The following TNFRSF9 variants were observed in gnomAD, a reference collection of about 807,000 sequenced individuals.
TNFRSF9 encodes TNF receptor superfamily member 9, also known as tumor necrosis factor receptor superfamily member 9.
Under a neutral mutation model 28.8 loss-of-function variants are expected in TNFRSF9, and 16 were observed. The ratio of observed to expected loss-of-function variants is 0.55; its 90% CI spans 0.38 to 0.84. The LOEUF (loss-of-function observed/expected upper bound fraction) is 0.84. Among genes scored for constraint, TNFRSF9 ranks in the 40% least tolerant of loss-of-function variants. The pLI is 0.00. For synonymous variants in TNFRSF9, 131 were observed against 117.0 expected (o/e 1.12, Z -0.77); for missense variants, 303 against 315.0 (o/e 0.96, Z 0.29).
intron 5 of TNFRSF9, among the ~76,000 whole-genome samples, chr1:7,935,948 T>G (rs1236960757): frequency 1.3e-5 from 2 of 152,188 alleles, no homozygotes; most frequent in Admixed American, 1.3e-4. Context: ...GAGTAAATGG[T>G]AGCTATCATT....
intron 7 of TNFRSF9, among the ~76,000 whole-genome samples, chr1:7,929,932 G>A (rs1000631448): frequency 5.4e-5 from 8 of 148,528 alleles, no homozygotes; most frequent in South Asian, 2.1e-4. Context: ...CTATAATTAC[G>A]TCAAAATTGA....
At position 7,918,724 on chromosome 1, in the gene TNFRSF9, A is replaced by G. The variant is rs1318025317; in HGVS notation, c.*2111T>C. The G allele has an allele frequency of 6.6e-6, 1 of 152,200 alleles. No individual in the cohort carries two copies. The highest frequency in any genetic ancestry group is 1.5e-5 in the Non-Finnish European group (1 of 68,048). The allele number at this position is 152,200 out of a possible 1,614,324, so 9.4% of individuals were successfully genotyped here. On this transcript the variant is annotated 3_prime_UTR_variant, in exon 8 of 8. Transcript: ENST00000377507. ...GAGCAAGCATTTTATTTAAAAAAATAAACACAAATGGTATATAAATATTTG... is the reference window on the plus strand; with the variant it reads ...GAGCAAGCATTTTATTTAAAAAAATGAACACAAATGGTATATAAATATTTG...
At chr1:7,934,246 G>A (rs1242334133) in intron 6 of TNFRSF9, among the ~76,000 whole-genome samples, 1 of 151,876 alleles carries the variant, frequency 6.6e-6, no homozygotes, top group Non-Finnish European at 1.5e-5. Flanking sequence ...GTGTAGTGGT[G>A]AGTGCCTATA....
chr1:7,925,841 T>C (rs1306000529), intron 7 of TNFRSF9, among the ~76,000 whole-genome samples: 1 of 152,128 alleles, frequency 6.6e-6, no homozygotes, highest in Admixed American at 6.5e-5. Flanking sequence ...GTAATGCAAG[T>C]CATGGGGAGG....
At chr1:7,928,356 T>TTA (rs1639683762) in intron 7 of TNFRSF9, among the ~76,000 whole-genome samples, 1 of 152,202 alleles carries the variant, frequency 6.6e-6, no homozygotes, top group African/African-American at 2.4e-5. Flanking sequence ...CCTCGCAGCT[T>TTA]TATATGTAAT....
At chr1:7,932,179 A>T (rs1208586483) in intron 7 of TNFRSF9, among the ~76,000 whole-genome samples, 2 of 152,152 alleles carry the variant, frequency 1.3e-5, no homozygotes, top group Non-Finnish European at 2.9e-5. Context: ...GTTCCTGCAT[A>T]TATATTTTTA....
rs182284515 is a variant in TNFRSF9, at chr1:7,939,047, C to T, written c.101-219G>A. ...GAAATAACAAAATACAGGCCAGGTG[C>T]AGTGGCTCACGCCTGTAATCACAGC... On this transcript the variant is annotated intron_variant, in intron 2 of 7. Transcript: ENST00000377507. Among the ~76,000 whole-genome samples the T allele has an allele frequency of 2.3e-3, 345 of 152,326 alleles. 1 individual carries two copies. The highest frequency in any genetic ancestry group is 7.9e-3 in the African/African-American group (327 of 41,574).
chr1:7,926,397 A>G (rs1416518771), intron 7 of TNFRSF9, among the ~76,000 whole-genome samples: 1 of 152,184 alleles, frequency 6.6e-6, no homozygotes, highest in African/African-American at 2.4e-5. Flanking sequence ...AGTGCCCTCT[A>G]TGATGTTCAC....
At position 7,933,267 on chromosome 1, in the gene TNFRSF9, GA is replaced by G. The variant is rs1639761448; in HGVS notation, c.573del (p.Ala193ArgfsTer2). 15 of 1,613,660 alleles carry G rather than the reference GA, an allele frequency of 9.3e-6. No individual in the cohort carries two copies. Among genetic ancestry groups the G allele is most frequent in the Non-Finnish European group, 1.3e-5 (15 of 1,179,780 alleles). On this transcript the variant is annotated frameshift_variant, in exon 7 of 8. Transcript: ENST00000377507. LOFTEE classifies it high-confidence loss of function. ...AGCAACGCAGTCGACGTCAGCGCAA[GA>G]AAGAAGGAGATGATCTGCGGAGAGT... ...PGHSPQIISF[F>X]LALTSTALLF...
chr1:7,924,195 T>C (rs1052800027), intron 7 of TNFRSF9, among the ~76,000 whole-genome samples: 2 of 151,946 alleles, frequency 1.3e-5, no homozygotes, highest in Admixed American at 6.6e-5. Context: ...TATGCAATTA[T>C]GTACAGCACA....
intron 7 of TNFRSF9, among the ~76,000 whole-genome samples, chr1:7,922,404 T>A (rs1366010742): frequency 6.6e-6 from 1 of 152,146 alleles, no homozygotes; most frequent in Non-Finnish European, 1.5e-5. Flanking sequence ...GGTCAGGATC[T>A]CCAGACCCAA....
chr1:7,930,011 C>T (rs1030569792), intron 7 of TNFRSF9, among the ~76,000 whole-genome samples: 16 of 133,318 alleles, frequency 1.2e-4, no homozygotes, highest in African/African-American at 4.6e-4. Flanking sequence ...CTTTTGTTGC[C>T]CAGGCTGGAG....
chr1:7,920,265 A>C lies in TNFRSF9; in HGVS notation c.*570T>G, dbSNP rs1639537676. 6.6e-6 allele frequency: 1 copy of C among 152,276 alleles called. No homozygotes were observed. Among genetic ancestry groups the C allele is most frequent in the South Asian group, 2.1e-4 (1 of 4,832 alleles). 9.4% of individuals were successfully genotyped at this position (152,276 alleles called of 1,614,324 possible). A position where few individuals can be genotyped will look rare whatever the true frequency, so the allele number is the denominator to read the frequency against. ...ACTATAATTTTCTTTGGATTTCAAA[A>C]AAACTAGCTCAAACCTGTTAAGTGG... On this transcript the variant is annotated 3_prime_UTR_variant, in exon 8 of 8. Transcript: ENST00000377507.
Position 7,920,714 on chromosome 1 carries a change from T to C in TNFRSF9, c.*121A>G. 1.3e-6 allele frequency: 1 copy of C among 785,460 alleles called. No individual in the cohort carries two copies. Among genetic ancestry groups the C allele is most frequent in the Non-Finnish European group, 2.1e-6 (1 of 467,704 alleles). The allele number at this position is 785,460 out of a possible 1,614,324, so 48.7% of individuals were successfully genotyped here. A position where few individuals can be genotyped will look rare whatever the true frequency, so the allele number is the denominator to read the frequency against. On this transcript the variant is annotated 3_prime_UTR_variant, in exon 8 of 8. Coordinates refer to ENST00000377507, the MANE Select transcript of TNFRSF9 (RefSeq NM_001561.6). ...ATTGGCATTTAGAAAAGAACGTGTG[T>C]TGGGGGAATCCTGGGTATTATGTAG... is the stretch of plus-strand genomic sequence containing the variant.
At chr1:7,931,969 C>G (rs1429862902) in intron 7 of TNFRSF9, among the ~76,000 whole-genome samples, 1 of 152,108 alleles carries the variant, frequency 6.6e-6, no homozygotes, top group East Asian at 1.9e-4. Flanking sequence ...CATGGAGAAA[C>G]CCCGTCTCTA....
intron 5 of TNFRSF9, 88 bp downstream of exon 5, chr1:7,937,602 C>CA: frequency 9.2e-7 from 1 of 1,086,592 alleles, no homozygotes; most frequent in Non-Finnish European, 1.4e-6. Context: ...TTGATGGGTG[C>CA]AAAAAAGCTT....
At chr1:7,922,908 CTT>C (rs749135432) in intron 7 of TNFRSF9, among the ~76,000 whole-genome samples, 3 of 137,890 alleles carry the variant, frequency 2.2e-5, no homozygotes, top group Non-Finnish European at 1.6e-5. Flanking sequence ...TTTTTTTTTT[CTT>C]TTTTTTTTTT....
intron 5 of TNFRSF9, 148 bp from the exon 6 acceptor site, chr1:7,935,291 A>G: frequency 1.1e-6 from 1 of 885,746 alleles, no homozygotes; most frequent in Non-Finnish European, 1.7e-6. Flanking sequence ...GATATTTTGA[A>G]AAACTTCCAC....
chr1:7,938,129 C>T, intron 4 of TNFRSF9, 64 bp downstream of exon 4: 2 of 1,426,362 alleles, frequency 1.4e-6, no homozygotes, highest in Non-Finnish European at 1.9e-6. Flanking sequence ...TTCAAAGGAT[C>T]AAGATCAAAG....
Sources: gnomAD v4.1 joint callset for allele counts (sites outside exome capture counted in the v4.1 genomes callset) on GRCh38, gnomAD v4.1.1 for gene constraint, MANE v1.5 for transcripts, NCBI Gene and HGNC (gene_info 2026-07-23, HGNC 2026-07-21) for gene names.